The following DIAPH2 variants were observed in gnomAD, a reference collection of about 807,000 sequenced individuals.
DIAPH2 encodes the protein diaphanous related formin 2.
A neutral mutation model predicts 92.7 loss-of-function variants in DIAPH2; 35 were observed. The ratio of observed to expected loss-of-function variants is 0.38; its 90% CI spans 0.29 to 0.50. DIAPH2 has a LOEUF of 0.50. DIAPH2 is among the 20% of genes least tolerant of loss of function. The pLI is 0.94. For synonymous variants in DIAPH2, 301 were observed against 280.4 expected (o/e 1.07, Z -0.73); for missense variants, 701 against 819.5 (o/e 0.86, Z 1.77).
At chrX:96,811,914 C>T (rs915231044) in intron 4 of DIAPH2, among the ~76,000 whole-genome samples, 1 of 111,532 alleles carries the variant, frequency 9.0e-6, no homozygotes, top group African/African-American at 3.3e-5. Context: ...CAGCTGGATT[C>T]GGTTTGCCAG....
At chrX:97,016,456 T>C (rs1303535965) in intron 17 of DIAPH2, among the ~76,000 whole-genome samples, 1 of 112,389 alleles carries the variant, frequency 8.9e-6, no homozygotes, top group Non-Finnish European at 1.9e-5. Context: ...GAATCAGCCT[T>C]CTTTATAAAC....
At position 97,523,768 on chromosome X, in the gene DIAPH2, AT is replaced by A. The variant is rs749633366; in HGVS notation, c.3242-75482del. ...CCATTTTGTAATTTTTTTATGATCT[AT>A]TTCATTTCTGTTTTCTAAGCTACTT... On this transcript the variant is annotated intron_variant, in intron 26 of 26. Coordinates refer to ENST00000324765, the MANE Select transcript of DIAPH2 (RefSeq NM_006729.5). 2.1e-4 allele frequency among the ~76,000 whole-genome samples: 23 copies of A among 111,838 alleles called. No homozygotes were observed. In the South Asian group the frequency reaches 7.9e-3, roughly 38 times the overall value.
intron 23 of DIAPH2, among the ~76,000 whole-genome samples, chrX:97,299,952 C>A (rs1478033863): frequency 8.9e-6 from 1 of 111,773 alleles, no homozygotes; most frequent in Non-Finnish European, 1.9e-5. Context: ...TAAATCCTAG[C>A]TGATATTTGT....
intron 26 of DIAPH2, among the ~76,000 whole-genome samples, chrX:97,457,687 A>T (rs986942831): frequency 2.7e-5 from 3 of 111,407 alleles, no homozygotes; most frequent in African/African-American, 9.8e-5. Flanking sequence ...GACTGTTGCT[A>T]TGGTCTGAAT....
chrX:97,482,189 A>T (rs1342008410), intron 26 of DIAPH2, among the ~76,000 whole-genome samples: 4 of 112,313 alleles, frequency 3.6e-5, no homozygotes, highest in Non-Finnish European at 7.5e-5. Flanking sequence ...TGCTTAAACC[A>T]GTCTCTCTCT....
At chrX:97,432,066 T>G (rs1393954226) in intron 26 of DIAPH2, among the ~76,000 whole-genome samples, 1 of 111,633 alleles carries the variant, frequency 9.0e-6, no homozygotes, top group Non-Finnish European at 1.9e-5. Flanking sequence ...CATGATGAGA[T>G]AAAAGCAGAA....
intron 4 of DIAPH2, among the ~76,000 whole-genome samples, chrX:96,778,830 T>C (rs904172935): frequency 8.9e-6 from 1 of 111,828 alleles, no homozygotes; most frequent in Non-Finnish European, 1.9e-5. Flanking sequence ...AGGGTAAACA[T>C]TGTGGGCAAG....
intron 25 of DIAPH2, among the ~76,000 whole-genome samples, chrX:97,419,882 TTTAC>T (rs1285449316): frequency 8.9e-6 from 1 of 112,074 alleles, no homozygotes; most frequent in African/African-American, 3.2e-5. Flanking sequence ...AAATTTGTTT[TTTAC>T]TTACTTTTCC....
At chrX:97,099,279 T>G (rs1053155996) in intron 19 of DIAPH2, among the ~76,000 whole-genome samples, 6 of 109,720 alleles carry the variant, frequency 5.5e-5, no homozygotes, top group Admixed American at 9.7e-5. Flanking sequence ...GGCAGGAGAA[T>G]GGCATGAACC....
chrX:96,912,305 C>T lies in DIAPH2; in HGVS notation c.588-23C>T, dbSNP rs765427192. The T allele has an allele frequency of 7.0e-6, 8 of 1,137,033 alleles. No individual in the cohort carries two copies. The South Asian group carries it at 1.4e-4, about 20-fold the overall frequency. The allele number at this position is 1,137,033 out of a possible 1,213,427, so 93.7% of individuals were successfully genotyped here. The stretch of plus-strand genomic sequence containing the variant: ...TAAAATTACTAACTTACTTATACAT[C>T]TAATTTTTTGTTTATTTCTCAGCTG... On this transcript the variant is annotated intron_variant, in intron 5 of 26. Coordinates refer to ENST00000324765, the MANE Select transcript of DIAPH2 (RefSeq NM_006729.5).
At chrX:97,066,457 A>C (rs781761300) in intron 17 of DIAPH2, among the ~76,000 whole-genome samples, 6 of 112,069 alleles carry the variant, frequency 5.4e-5, no homozygotes, top group South Asian at 7.5e-4. Context: ...GAACCGTATA[A>C]TGTTCGCATA....
chrX:97,505,776 C>T (rs1461613990), intron 26 of DIAPH2, among the ~76,000 whole-genome samples: 1 of 110,491 alleles, frequency 9.1e-6, no homozygotes, highest in Non-Finnish European at 1.9e-5. Flanking sequence ...GCCAACTCCA[C>T]ACCTGTACTG....
chrX:97,120,559 T>A (rs2067049343), intron 21 of DIAPH2, among the ~76,000 whole-genome samples: 1 of 108,607 alleles, frequency 9.2e-6, no homozygotes, highest in African/African-American at 3.4e-5. Context: ...CCGTCTGCCA[T>A]GATCCTCCCA....
intron 26 of DIAPH2, among the ~76,000 whole-genome samples, chrX:97,498,057 C>T: frequency 9.0e-6 from 1 of 111,583 alleles, no homozygotes. Flanking sequence ...AGTCTGACAG[C>T]ACCTCTGACA....
At chrX:97,161,503 C>G (rs1387245539) in intron 22 of DIAPH2, among the ~76,000 whole-genome samples, 1 of 110,321 alleles carries the variant, frequency 9.1e-6, no homozygotes, top group African/African-American at 3.3e-5. Flanking sequence ...TGGGCTCAAG[C>G]AATACTCCTA....
At chrX:97,220,525 T>G (rs1569333231) in intron 22 of DIAPH2, among the ~76,000 whole-genome samples, 1 of 111,749 alleles carries the variant, frequency 8.9e-6, no homozygotes, top group Non-Finnish European at 1.9e-5. Context: ...CATCGCAGAT[T>G]ACAGTGGAAT....
intron 25 of DIAPH2, among the ~76,000 whole-genome samples, chrX:97,424,270 T>A (rs752254064): frequency 1.3e-3 from 140 of 109,433 alleles, no homozygotes; most frequent in East Asian, 2.3e-3. Context: ...TTTACAAAAA[T>A]TTTTTTTTTA....
Position 96,990,559 on chromosome X carries a change from A to AT in DIAPH2, c.2050+25361dup, listed in dbSNP as rs199590210. Among the ~76,000 whole-genome samples the AT allele has an allele frequency of 6.9e-3, 753 of 109,173 alleles. 9 individuals are homozygous for AT. Among genetic ancestry groups the AT allele is most frequent in the African/African-American group, 0.024 (716 of 29,910 alleles). 94.8% of individuals were successfully genotyped at this position (109,173 alleles called of 115,157 possible). On this transcript the variant is annotated intron_variant, in intron 17 of 26. Coordinates refer to ENST00000324765, the MANE Select transcript of DIAPH2 (RefSeq NM_006729.5). ...TGTGCTCCTCTACCCTGTTTTTTAA[A>AT]TTTTTTTTTCGAAAAAGTTTTGTTT...
chrX:97,249,063 A>AT (rs200923938), intron 23 of DIAPH2, among the ~76,000 whole-genome samples: 1,541 of 97,685 alleles, frequency 0.016, 29 homozygotes, highest in African/African-American at 0.034. Flanking sequence ...TGCTGATTAC[A>AT]TTTTTTTTTT....
Sources: allele counts gnomAD v4.1 joint callset (sites outside exome capture counted in the v4.1 genomes callset), GRCh38; gene constraint gnomAD v4.1.1; transcripts MANE v1.5; gene names NCBI Gene and HGNC (gene_info 2026-07-23, HGNC 2026-07-21).